ACSM3: variants seen among roughly 807,000 people sequenced by gnomAD.
ACSM3 encodes acyl-coenzyme A synthetase ACSM3, mitochondrial.
A neutral mutation model predicts 74.1 loss-of-function variants in ACSM3; 61 were observed. That is an observed-to-expected ratio of 0.82 (90% confidence interval 0.67 to 1.02). ACSM3 has a LOEUF of 1.02. Ranked by LOEUF, ACSM3 falls within the 50% of genes least tolerant of loss-of-function variation. The probability of loss-of-function intolerance (pLI) is 0.00; values close to 1 mark genes in which losing one functional copy is unlikely to be tolerated. For synonymous variants in ACSM3, 213 were observed against 241.5 expected, an observed-to-expected ratio of 0.88 and a Z score of 1.09; for missense variants, 660 against 697.0, an observed-to-expected ratio of 0.95 and a Z score of 0.60.
In ACSM3 at chr16:20,775,997, T is replaced by TCTGC. The variant is rs2080251289; in HGVS notation, c.380_383dup (p.Arg129AlafsTer48). ...AAAGAGGAGATCGGGTAATTCTGAT[T>TCTGC]CTGCCCAGGGTCCCAGAGTGGTGGC... On this transcript the variant is annotated frameshift_variant, in exon 3 of 14. Coordinates refer to ENST00000289416, the MANE Select transcript of ACSM3 (RefSeq NM_005622.4). LOFTEE classifies it high-confidence loss of function. The TCTGC allele has an allele frequency of 6.2e-7, 1 of 1,614,082 alleles. No homozygotes were observed.
intron 1 of ACSM3, among the ~76,000 whole-genome samples, chr16:20,717,099 G>A (rs1004490715): frequency 1.2e-4 from 19 of 152,138 alleles, no homozygotes; most frequent in Admixed American, 3.9e-4. Context: ...TCTTCCTAAC[G>A]TGCTACCCTT....
At chr16:20,683,287 T>TTTA (rs967456246) in intron 1 of ACSM3, among the ~76,000 whole-genome samples, 4 of 151,982 alleles carry the variant, frequency 2.6e-5, no homozygotes, top group Admixed American at 6.6e-5. Context: ...CCAGCTATTT[T>TTTA]TTATTATTAT....
chr16:20,692,641 G>A (rs539780671), intron 1 of ACSM3, among the ~76,000 whole-genome samples: 1 of 152,164 alleles, frequency 6.6e-6, no homozygotes, highest in Non-Finnish European at 1.5e-5. Flanking sequence ...AGAGGAAATG[G>A]GGTTCTTTAT....
chr16:20,710,849 C>A (rs996712554), intron 1 of ACSM3, among the ~76,000 whole-genome samples: 5 of 152,084 alleles, frequency 3.3e-5, no homozygotes, highest in African/African-American at 1.2e-4. Flanking sequence ...CTTTGGGAGG[C>A]CTAGGCAGGT....
chr16:20,712,109 C>T (rs962041164), intron 1 of ACSM3, among the ~76,000 whole-genome samples: 1 of 152,090 alleles, frequency 6.6e-6, no homozygotes, highest in Non-Finnish European at 1.5e-5. Flanking sequence ...CCACATTACC[C>T]CAGCCTCGCA....
intron 1 of ACSM3, chr16:20,679,234 G>A (rs946834318): frequency 5.9e-5 from 9 of 152,194 alleles, no homozygotes; most frequent in African/African-American, 2.2e-4. Flanking sequence ...ATGACCAGTG[G>A]ATTAACCAAC....
intron 1 of ACSM3, chr16:20,737,184 A>G (rs1363759244): frequency 6.2e-7 from 1 of 1,614,124 alleles, no homozygotes; most frequent in Non-Finnish European, 8.5e-7. Context: ...GTAATCTTTC[A>G]CAACACTCAG....
intron 12 of ACSM3, among the ~76,000 whole-genome samples, chr16:20,793,794 T>C (rs2080659042): frequency 6.6e-6 from 1 of 152,224 alleles, no homozygotes; most frequent in South Asian, 2.1e-4. Flanking sequence ...TCACGAGTCT[T>C]AGCTCTTCCT....
intron 1 of ACSM3, chr16:20,731,856 T>C (rs1297887576): frequency 8.9e-6 from 2 of 225,546 alleles, no homozygotes; most frequent in Non-Finnish European, 1.7e-5. Flanking sequence ...AGAGGGCACC[T>C]TTGTTTAGCC....
intron 1 of ACSM3, among the ~76,000 whole-genome samples, chr16:20,764,992 G>A (rs770430397): frequency 6.6e-6 from 1 of 152,176 alleles, no homozygotes; most frequent in African/African-American, 2.4e-5. Context: ...TTTACCTTGC[G>A]TTGAGGCTGT....
chr16:20,720,819 A>G (rs950342459), intron 1 of ACSM3, among the ~76,000 whole-genome samples: 2 of 152,230 alleles, frequency 1.3e-5, no homozygotes, highest in African/African-American at 4.8e-5. Context: ...AGATATATAC[A>G]TTACACTTTA....
rs762728134 is a variant in ACSM3, at chr16:20,781,659, C to CTTA, written c.940-46_940-44dup. The CTTA allele has an allele frequency of 4.4e-6, 6 of 1,370,212 alleles. No homozygotes were observed. The South Asian group carries it at 7.0e-5, about 16-fold the overall frequency. 84.9% of individuals were successfully genotyped at this position (1,370,212 alleles called of 1,614,324 possible). ...TGCGTCAACCAAAGACATTTAAGCACTTATTTAAGTTGTAGTAAGACCAAG... is the reference window on the plus strand; with the variant it reads ...TGCGTCAACCAAAGACATTTAAGCACTTATTATTTAAGTTGTAGTAAGACCAAG... On this transcript the variant is annotated intron_variant, in intron 6 of 13. Coordinates refer to ENST00000289416, the MANE Select transcript of ACSM3 (RefSeq NM_005622.4).
intron 4 of ACSM3, 136 bp from the exon 5 acceptor site, chr16:20,780,577 CT>C: frequency 5.1e-6 from 8 of 1,579,202 alleles, no homozygotes; most frequent in Non-Finnish European, 6.1e-6. Flanking sequence ...GGCTTTTACC[CT>C]GTAATTCAAG....
At chr16:20,738,802 C>T in intron 1 of ACSM3, 2 of 1,415,548 alleles carry the variant, frequency 1.4e-6, no homozygotes, top group Non-Finnish European at 1.9e-6. Context: ...TTAACTGAGT[C>T]ATGCCCAAGA....
chr16:20,677,986 C>A (rs2079342635), intron 1 of ACSM3, among the ~76,000 whole-genome samples: 1 of 141,096 alleles, frequency 7.1e-6, no homozygotes, highest in Non-Finnish European at 1.5e-5. Context: ...GCAAGGGGCA[C>A]CATAAAGGAA....
chr16:20,760,048 T>C (rs1327674103), upstream of ACSM3, among the ~76,000 whole-genome samples: 1 of 152,078 alleles, frequency 6.6e-6, no homozygotes, highest in East Asian at 1.9e-4. Context: ...TCTTCCCTTT[T>C]GGAGTTCAAG....
chr16:20,738,807 C>T, intron 1 of ACSM3: 1 of 1,466,172 alleles, frequency 6.8e-7, no homozygotes, highest in Non-Finnish European at 9.3e-7. Context: ...TGAGTCATGC[C>T]CAAGAAGCCA....
intron 1 of ACSM3, among the ~76,000 whole-genome samples, chr16:20,741,202 G>A (rs762368397): frequency 1.3e-5 from 2 of 152,128 alleles, no homozygotes; most frequent in Non-Finnish European, 1.5e-5. Context: ...CTATCATCAC[G>A]CCACTGCACT....
At chr16:20,689,959 CTTCA>C (rs1364784392) in intron 1 of ACSM3, among the ~76,000 whole-genome samples, 1 of 152,184 alleles carries the variant, frequency 6.6e-6, no homozygotes, top group Non-Finnish European at 1.5e-5. Context: ...ACCTCAGTTT[CTTCA>C]TTAAGGAAAT....
Sources: allele counts gnomAD v4.1 joint callset (sites outside exome capture counted in the v4.1 genomes callset), GRCh38; gene constraint gnomAD v4.1.1; transcripts MANE v1.5; gene names NCBI Gene and HGNC (gene_info 2026-07-23, HGNC 2026-07-21).